The following MOBP variants were observed in gnomAD, a reference collection of about 807,000 sequenced individuals.
MOBP encodes myelin-associated oligodendrocyte basic protein.
Under a neutral mutation model 15.0 loss-of-function variants are expected in MOBP, and 5 were observed. The observed-to-expected ratio is 0.33, with a 90% confidence interval of 0.17 to 0.70. The LOEUF is 0.70. Ranked by LOEUF, MOBP falls within the 30% of genes least tolerant of loss-of-function variation. The pLI, the probability that MOBP is intolerant of heterozygous loss-of-function variation, is 0.67. For synonymous variants in MOBP, 88 were observed against 99.0 expected, an observed-to-expected ratio of 0.89 and a Z score of 0.66; for missense variants, 188 against 257.8, an observed-to-expected ratio of 0.73 and a Z score of 1.85.
At chr3:39,497,662 T>C (rs2042906310) in intron 2 of MOBP, among the ~76,000 whole-genome samples, 1 of 152,216 alleles carries the variant, frequency 6.6e-6, no homozygotes, top group South Asian at 2.1e-4. Flanking sequence ...AAAAATGAGA[T>C]AAAGTATGCA....
At chr3:39,496,401 G>A (rs1230412152) in intron 2 of MOBP, among the ~76,000 whole-genome samples, 2 of 151,544 alleles carry the variant, frequency 1.3e-5, no homozygotes, top group Admixed American at 6.6e-5. Flanking sequence ...GGGTTTCACC[G>A]TGTTAGCCAG....
intron 2 of MOBP, among the ~76,000 whole-genome samples, chr3:39,493,341 T>C (rs188709861): frequency 1.3e-5 from 2 of 152,310 alleles, no homozygotes; most frequent in Admixed American, 1.3e-4. Context: ...AGATAGCAAA[T>C]TAATTTGTAT....
intron 3 of MOBP, among the ~76,000 whole-genome samples, chr3:39,521,972 G>A (rs2043274051): frequency 1.3e-5 from 2 of 152,222 alleles, no homozygotes; most frequent in South Asian, 4.1e-4. Flanking sequence ...AGTGGGTATG[G>A]GAGGAGGGTG....
downstream of MOBP, among the ~76,000 whole-genome samples, chr3:39,517,474 C>T (rs977203209): frequency 2.0e-5 from 3 of 152,100 alleles, no homozygotes; most frequent in Admixed American, 1.3e-4. Flanking sequence ...GACTCCAGGC[C>T]ACACCTTCAC....
chr3:39,489,490 T>C (rs1046878435), intron 2 of MOBP, among the ~76,000 whole-genome samples: 4 of 152,208 alleles, frequency 2.6e-5, no homozygotes, highest in African/African-American at 4.8e-5. Flanking sequence ...ATCTTATGTG[T>C]ATATTCTTTG....
intron 1 of MOBP, among the ~76,000 whole-genome samples, chr3:39,471,212 C>T (rs924470288): frequency 6.6e-6 from 1 of 151,168 alleles, no homozygotes; most frequent in Non-Finnish European, 1.5e-5. Context: ...TCACTGCAAC[C>T]TCTGCCTCCC....
intron 1 of MOBP, among the ~76,000 whole-genome samples, chr3:39,472,159 C>T (rs1165374082): frequency 6.6e-6 from 1 of 152,198 alleles, no homozygotes; most frequent in Non-Finnish European, 1.5e-5. Context: ...TTTGACTTCC[C>T]AGCAGACTTC....
chr3:39,476,521 G>A (rs1480495214), intron 1 of MOBP, among the ~76,000 whole-genome samples: 2 of 152,010 alleles, frequency 1.3e-5, no homozygotes, highest in Non-Finnish European at 2.9e-5. Flanking sequence ...TCATTCTTTG[G>A]ATAGTAAGAA....
At chr3:39,506,606 C>A (rs962249313), downstream of MOBP, among the ~76,000 whole-genome samples, 3 of 152,166 alleles carry the variant, frequency 2.0e-5, no homozygotes, top group Non-Finnish European at 4.4e-5. Flanking sequence ...TATTTATACA[C>A]CAGTTCTCGT....
Position 39,502,185 on chromosome 3 carries a change from T to G in MOBP, c.116T>G (p.Ile39Arg). ...ACCTTCCTCAATTCCAAGAAGGAGA[T>G]AGTGGATCGGAAATACAGCATCTGT... is the stretch of plus-strand genomic sequence containing the variant. ...PFTFLNSKKE[I>R]VDRKYSICKS... The change falls in exon 3 of 4, where the codon ATA becomes AGA. Residue 39 changes from isoleucine (I) to arginine (R), a missense_variant. Ile to Arg is a moderately conservative substitution (Grantham distance 97). Transcript: ENST00000684792. The surrounding 1 kb of genome is among the most constrained non-coding windows in gnomAD (Gnocchi z 6.3). 1 of 1,614,146 alleles carries G rather than the reference T, an allele frequency of 6.2e-7. No individual in the cohort carries two copies. Among genetic ancestry groups the G allele is most frequent in the Non-Finnish European group, 8.5e-7 (1 of 1,180,018 alleles).
intron 2 of MOBP, among the ~76,000 whole-genome samples, chr3:39,480,393 T>C (rs192634646): frequency 1.2e-4 from 19 of 152,342 alleles, no homozygotes; most frequent in African/African-American, 4.3e-4. Flanking sequence ...CCACATATCA[T>C]GCACAGCGGA....
At chr3:39,513,454 T>C (rs1486717960) in exon 5 of MOBP, 1 of 1,610,468 alleles carries the variant, frequency 6.2e-7, no homozygotes, top group Non-Finnish European at 8.5e-7. Context: ...ATGAACAACC[T>C]CGGCTCCTGG....
intron 2 of MOBP, among the ~76,000 whole-genome samples, chr3:39,483,492 GTAGCTATCA>G (rs1292417761): frequency 1.3e-5 from 2 of 152,192 alleles, no homozygotes; most frequent in African/African-American, 4.8e-5. Context: ...AGGCAGCTTA[GTAGCTATCA>G]CCACTCACTA....
At chr3:39,506,269 C>G (rs2043046867), downstream of MOBP, among the ~76,000 whole-genome samples, 1 of 152,146 alleles carries the variant, frequency 6.6e-6, no homozygotes, top group Non-Finnish European at 1.5e-5. Context: ...ATAGTGTAAA[C>G]TCGTCATCTT....
At chr3:39,494,113 A>G (rs566347260) in intron 2 of MOBP, among the ~76,000 whole-genome samples, 23 of 152,358 alleles carry the variant, frequency 1.5e-4, no homozygotes, top group Non-Finnish European at 2.8e-4. Context: ...AAGGTTCGTT[A>G]CTGAGTTATT....
chr3:39,483,840 A>G (rs1877553), intron 2 of MOBP, among the ~76,000 whole-genome samples: 8,799 of 152,256 alleles, frequency 0.058, 467 homozygotes, highest in African/African-American at 0.14. Flanking sequence ...AGACAATTTT[A>G]TGCTAAAACC....
downstream of MOBP, chr3:39,528,292 A>G (rs1159347891): frequency 6.6e-6 from 1 of 152,210 alleles, no homozygotes; most frequent in Non-Finnish European, 1.5e-5. Context: ...ATATGGAACA[A>G]GCTTATTTGT....
downstream of MOBP, among the ~76,000 whole-genome samples, chr3:39,520,174 C>A (rs2043248752): frequency 6.6e-6 from 1 of 152,122 alleles, no homozygotes; most frequent in Non-Finnish European, 1.5e-5. Context: ...CACCATCAAG[C>A]CACCAGCAAT....
exon 5 of MOBP, chr3:39,524,658 T>C (rs1292693581): frequency 1.3e-5 from 2 of 152,220 alleles, no homozygotes; most frequent in Non-Finnish European, 2.9e-5. Flanking sequence ...CAGAAAATTG[T>C]ACAACCTGTG....
Sources: gnomAD v4.1 joint callset for allele counts (sites outside exome capture counted in the v4.1 genomes callset) on GRCh38, gnomAD v4.1.1 for gene constraint, Gnocchi (gnomAD v3.1) non-coding constraint, MANE v1.5 for transcripts, NCBI Gene and HGNC (gene_info 2026-07-23, HGNC 2026-07-21) for gene names.